The following SAMD4A variants were observed in gnomAD, a reference collection of about 807,000 sequenced individuals.
SAMD4A encodes sterile alpha motif domain containing 4A.
SAMD4A carries 33 observed loss-of-function variants against 81.3 expected under a neutral mutation model. The ratio of observed to expected loss-of-function variants is 0.41; its 90% CI spans 0.31 to 0.54. The LOEUF (loss-of-function observed/expected upper bound fraction) is 0.54. Ranked by LOEUF, SAMD4A falls within the 20% of genes least tolerant of loss-of-function variation. The probability of loss-of-function intolerance (pLI) is 0.37; values close to 1 mark genes in which losing one functional copy is unlikely to be tolerated. For missense variants in SAMD4A, 854 were observed against 951.1 expected (o/e 0.90, Z 1.34); for synonymous variants, 389 against 382.1 (o/e 1.02, Z -0.21).
chr14:54,587,037 T>C (rs759895545), intron 2 of SAMD4A, among the ~76,000 whole-genome samples: 2 of 152,242 alleles, frequency 1.3e-5, no homozygotes, highest in Non-Finnish European at 2.9e-5. Flanking sequence ...ATTTTCATAA[T>C]ATTGATTCTA....
chr14:54,590,025 G>T (rs2033731655), intron 2 of SAMD4A, among the ~76,000 whole-genome samples: 1 of 152,112 alleles, frequency 6.6e-6, no homozygotes, highest in Admixed American at 6.6e-5. Flanking sequence ...ATGAGATGAG[G>T]GTGCTGTCGA....
At chr14:54,713,230 G>C (rs1235325723) in intron 3 of SAMD4A, among the ~76,000 whole-genome samples, 1 of 151,870 alleles carries the variant, frequency 6.6e-6, no homozygotes, top group Non-Finnish European at 1.5e-5. Context: ...TGAATTTCAC[G>C]GTCTTAGGTA....
intron 2 of SAMD4A, among the ~76,000 whole-genome samples, chr14:54,579,324 G>T (rs1221257216): frequency 6.6e-6 from 1 of 152,244 alleles, no homozygotes; most frequent in East Asian, 1.9e-4. Flanking sequence ...CCACAAAGTA[G>T]ATACTATCTC....
chr14:54,735,958 A>T (rs1467830790), intron 3 of SAMD4A, among the ~76,000 whole-genome samples: 1 of 152,214 alleles, frequency 6.6e-6, no homozygotes, highest in Admixed American at 6.5e-5. Context: ...AAAAATGTTT[A>T]AAAATGCATG....
chr14:54,683,891 A>G (rs1347136127), intron 2 of SAMD4A, among the ~76,000 whole-genome samples: 3 of 152,186 alleles, frequency 2.0e-5, no homozygotes, highest in Admixed American at 6.5e-5. Context: ...ACTCACAGGA[A>G]AGGGAGTTTT....
At chr14:54,638,628 A>G (rs557476202) in intron 2 of SAMD4A, among the ~76,000 whole-genome samples, 9 of 152,368 alleles carry the variant, frequency 5.9e-5, no homozygotes, top group Admixed American at 2.0e-4. Context: ...AGATTTGTCT[A>G]TAAGTAAAAC....
intron 2 of SAMD4A, among the ~76,000 whole-genome samples, chr14:54,608,611 A>C (rs1555335841): frequency 6.6e-6 from 1 of 152,228 alleles, no homozygotes; most frequent in Non-Finnish European, 1.5e-5. Context: ...GGCACATAGT[A>C]GGTTATTGAG....
intron 2 of SAMD4A, among the ~76,000 whole-genome samples, chr14:54,678,444 T>A (rs1308552605): frequency 3.2e-5 from 1 of 30,950 alleles, no homozygotes; most frequent in African/African-American, 1.1e-4. Flanking sequence ...TGTGTGTGTG[T>A]GTGTGTGTGT....
chr14:54,772,171 A>G (rs944024169), intron 9 of SAMD4A, among the ~76,000 whole-genome samples: 2 of 152,186 alleles, frequency 1.3e-5, no homozygotes, highest in African/African-American at 2.4e-5. Context: ...AATTATCACA[A>G]ATCCCAAATT....
At chr14:54,765,478 C>T (rs1373764784) in intron 8 of SAMD4A, among the ~76,000 whole-genome samples, 2 of 134,994 alleles carry the variant, frequency 1.5e-5, no homozygotes, top group African/African-American at 3.0e-5. Context: ...AAAAAAAAAG[C>T]CAGGTGTGGT....
At chr14:54,584,488 C>G (rs951069890) in intron 2 of SAMD4A, among the ~76,000 whole-genome samples, 1 of 152,152 alleles carries the variant, frequency 6.6e-6, no homozygotes, top group Admixed American at 6.5e-5. Context: ...TCTTTGATCT[C>G]AAATCCAAAG....
At chr14:54,647,089 T>C (rs2035302141) in intron 2 of SAMD4A, among the ~76,000 whole-genome samples, 1 of 152,252 alleles carries the variant, frequency 6.6e-6, no homozygotes, top group African/African-American at 2.4e-5. Flanking sequence ...TTCATTTGAC[T>C]CTATAAGACA....
chr14:54,692,414 C>T (rs552358308), intron 2 of SAMD4A, among the ~76,000 whole-genome samples: 2 of 152,304 alleles, frequency 1.3e-5, no homozygotes, highest in African/African-American at 4.8e-5. Flanking sequence ...GCCAAGGATG[C>T]TGGCCTTGGA....
intron 8 of SAMD4A, among the ~76,000 whole-genome samples, chr14:54,767,261 C>T (rs1175598965): frequency 6.6e-6 from 1 of 152,186 alleles, no homozygotes; most frequent in Non-Finnish European, 1.5e-5. Flanking sequence ...AAGTTTCACC[C>T]GGGCACAGAG....
At chr14:54,645,810 T>G (rs1182513306) in intron 2 of SAMD4A, among the ~76,000 whole-genome samples, 1 of 152,268 alleles carries the variant, frequency 6.6e-6, no homozygotes, top group African/African-American at 2.4e-5. Context: ...GAGTTTTGAC[T>G]GTTAAGAAAT....
intron 2 of SAMD4A, among the ~76,000 whole-genome samples, chr14:54,691,776 G>C (rs1235025581): frequency 6.6e-6 from 1 of 152,170 alleles, no homozygotes; most frequent in East Asian, 1.9e-4. Context: ...AGGAGGACAG[G>C]AGAGCCAGGC....
At chr14:54,692,877 C>CCCCA (rs1555343984) in intron 2 of SAMD4A, 8 of 7,346 alleles carry the variant, frequency 1.1e-3, no homozygotes, top group Non-Finnish European at 0.01. Flanking sequence ...TCACTTAGTG[C>CCCCA]CCCCCCCCGC....
chr14:54,581,024 T>C (rs1286434622), intron 2 of SAMD4A, among the ~76,000 whole-genome samples: 2 of 152,228 alleles, frequency 1.3e-5, no homozygotes, highest in East Asian at 3.8e-4. Context: ...AGGAAATAGA[T>C]GCTGGTTTCC....
At chr14:54,701,876 T>G (rs1350371779) in intron 2 of SAMD4A, among the ~76,000 whole-genome samples, 186 bp from the exon 3 acceptor site, 1 of 152,238 alleles carries the variant, frequency 6.6e-6, no homozygotes, top group Non-Finnish European at 1.5e-5. Context: ...GATCTGTGTT[T>G]CATTGGAGCC....
Sources: allele counts gnomAD v4.1 joint callset (sites outside exome capture counted in the v4.1 genomes callset), GRCh38; gene constraint gnomAD v4.1.1; transcripts MANE v1.5; gene names NCBI Gene and HGNC (gene_info 2026-07-23, HGNC 2026-07-21).